The following DCC variants were observed in gnomAD, a reference collection of about 807,000 sequenced individuals.
DCC encodes the protein DCC netrin 1 receptor, also known as netrin receptor DCC.
DCC carries 58 observed loss-of-function variants against 172.5 expected under a neutral mutation model. The observed-to-expected ratio is 0.34, with a 90% CI of 0.27 to 0.42. The LOEUF is 0.42. Ranked by LOEUF, DCC falls within the 10% of genes least tolerant of loss-of-function variation. The pLI, the probability that DCC is intolerant of heterozygous loss-of-function variation, is 1.00. For synonymous variants in DCC, 709 were observed against 644.5 expected, an observed-to-expected ratio of 1.10 and a Z score of -1.52; for missense variants, 1,740 against 1,791.0, an observed-to-expected ratio of 0.97 and a Z score of 0.51.
intron 1 of DCC, among the ~76,000 whole-genome samples, chr18:52,640,887 A>G (rs973855237): frequency 6.6e-6 from 1 of 152,094 alleles, no homozygotes; most frequent in Admixed American, 6.6e-5. Flanking sequence ...TATGGAACCA[A>G]AAAAGAGCCC....
chr18:53,159,425 C>G (rs556649017), intron 8 of DCC, among the ~76,000 whole-genome samples: 38 of 152,236 alleles, frequency 2.5e-4, no homozygotes, highest in African/African-American at 8.9e-4. Flanking sequence ...AGCCATGCTT[C>G]CTTTATTCTA....
Position 53,226,934 on chromosome 18 carries a change from G to GTGTATA in DCC, c.1911+11338_1911+11339insGTATAT, listed in dbSNP as rs34949557. On this transcript the variant is annotated intron_variant, in intron 12 of 28. Transcript: ENST00000442544. ...TGTAACTGTGTGTGTGTGTGTGTGT[G>GTGTATA]TATATATATATATATTTTTTTTTTT... Among the ~76,000 whole-genome samples the GTGTATA allele has an allele frequency of 3.1e-4, 21 of 68,126 alleles. 1 individual carries two copies. The highest frequency in any genetic ancestry group is 7.1e-4 in the Admixed American group (4 of 5,650). 44.7% of individuals were successfully genotyped at this position (68,126 alleles called of 152,430 possible).
chr18:53,428,454 TTA>T lies in DCC; in HGVS notation c.3164-6682_3164-6681del, dbSNP rs1371182251. On this transcript the variant is annotated intron_variant, in intron 21 of 28. Transcript: ENST00000442544. The stretch of plus-strand genomic sequence containing the variant: ...TACATATATAATATATTATATTATT[TTA>T]TATATATTATATAATATATAATATA... Among the ~76,000 whole-genome samples the T allele has an allele frequency of 9.6e-5, 3 of 31,330 alleles. 1 individual carries two copies. Among genetic ancestry groups the T allele is most frequent in the Non-Finnish European group, 1.4e-4 (2 of 14,224 alleles). 20.6% of individuals were successfully genotyped at this position (31,330 alleles called of 152,430 possible).
chr18:52,858,123 T>C (rs2039081994), intron 2 of DCC, among the ~76,000 whole-genome samples: 2 of 152,252 alleles, frequency 1.3e-5, no homozygotes, highest in Non-Finnish European at 2.9e-5. Context: ...TGTCTGTTCA[T>C]GCAGTAGTTG....
rs949823133 is a variant in DCC at position 53,486,871 on chromosome 18, G to A, written c.3811G>A (p.Gly1271Arg). ...YPGILPSPTCGYPHPQFTLRP... is the reference protein window; with the variant it reads ...YPGILPSPTCRYPHPQFTLRP... ...AGGAATCCTCCCGTCTCCCACCTGT[G>A]GATATCCCCACCCGCAGTTCACTCT... Residue 1271 changes from glycine to arginine, a missense_variant, in exon 26 of 29, where the codon GGA (glycine) becomes AGA (arginine). Physicochemically the swap from Gly to Arg is moderately radical, Grantham distance 125 (BLOSUM62 -2). Around this residue, in one of 2 missense-constraint regions of DCC, gnomAD observed 1,732 missense variants for 1,767.4 expected, o/e 0.98. Transcript: ENST00000442544. 8.7e-6 allele frequency: 14 copies of A among 1,614,138 alleles called. No individual in the cohort carries two copies. The highest frequency in any genetic ancestry group is 1.7e-5 in the Admixed American group (1 of 60,002).
At position 52,978,037 on chromosome 18, in the gene DCC, C is replaced by T. The variant is rs907361662; in HGVS notation, c.985+52667C>T. Among the ~76,000 whole-genome samples the T allele has an allele frequency of 2.0e-5, 3 of 150,226 alleles. No individual in the cohort carries two copies. In the East Asian group the frequency reaches 5.8e-4, roughly 29 times the overall value. ...TAAAATTCAAGTAGTTTACATGTAG[C>T]ATGAAGTGAGGGGAGTGCAGAGAAG... On this transcript the variant is annotated intron_variant, in intron 5 of 28. Coordinates refer to ENST00000442544, the MANE Select transcript of DCC (RefSeq NM_005215.4).
intron 1 of DCC, among the ~76,000 whole-genome samples, chr18:52,684,050 T>C (rs2035790576): frequency 6.6e-6 from 1 of 152,160 alleles, no homozygotes. Context: ...CATCCATGTG[T>C]TTATTTCCAT....
At chr18:53,308,456 G>T (rs1176547584) in intron 13 of DCC, among the ~76,000 whole-genome samples, 1 of 116,228 alleles carries the variant, frequency 8.6e-6, no homozygotes, top group Non-Finnish European at 1.7e-5. Context: ...AAAACAATAA[G>T]TTAAAAATAT....
At chr18:52,607,511 C>G (rs938811986) in intron 1 of DCC, among the ~76,000 whole-genome samples, 7 of 152,142 alleles carry the variant, frequency 4.6e-5, no homozygotes, top group African/African-American at 1.7e-4. Flanking sequence ...ATCTATTTGA[C>G]TGTCTGCCTA....
chr18:52,427,815 TCTTCCTTCCTTCCTTCCTTTCTTC>T (rs1199561300), intron 1 of DCC, among the ~76,000 whole-genome samples: 6,416 of 113,028 alleles, frequency 0.057, 356 homozygotes, highest in Middle Eastern at 0.072. Flanking sequence ...TTTCTTCCTT[TCTTCCTTCCTTCCTTCCTTTCTTC>T]CTTCCTTCCT....
chr18:53,516,316 C>T lies in DCC; in HGVS notation c.4112-10301C>T, dbSNP rs868187637. ...AAATCAATTCAAGATGGATTAAAGA[C>T]TTAAACGTTAGACCTAAAACCATAA... is the stretch of plus-strand genomic sequence containing the variant. On this transcript the variant is annotated intron_variant, in intron 27 of 28. Coordinates refer to ENST00000442544, the MANE Select transcript of DCC (RefSeq NM_005215.4). Among the ~76,000 whole-genome samples the T allele has an allele frequency of 2.5e-3, 368 of 147,864 alleles. 3 individuals are homozygous for T. Among genetic ancestry groups the T allele is most frequent in the Middle Eastern group, 0.014 (4 of 290 alleles).
At chr18:52,903,438 C>A (rs925540998) in intron 2 of DCC, among the ~76,000 whole-genome samples, 1 of 152,142 alleles carries the variant, frequency 6.6e-6, no homozygotes, top group Non-Finnish European at 1.5e-5. Context: ...AACTCCTGTG[C>A]TCAAGTGATT....
In DCC at chr18:53,216,865, C is replaced by T. The variant is rs192349687; in HGVS notation, c.1911+1268C>T. 1.9e-3 allele frequency among the ~76,000 whole-genome samples: 294 copies of T among 152,206 alleles called. 2 individuals carry two copies. Among genetic ancestry groups the T allele is most frequent in the African/African-American group, 6.5e-3 (272 of 41,562 alleles). ...AAAATTAACATAACCCTACAAATGA[C>T]ATTTTTATCTGCAACAACACTGCTT... is the stretch of plus-strand genomic sequence containing the variant. On this transcript the variant is annotated intron_variant, in intron 12 of 28. Coordinates refer to ENST00000442544, the MANE Select transcript of DCC (RefSeq NM_005215.4).
At chr18:52,404,747 G>T (rs977399298) in intron 1 of DCC, among the ~76,000 whole-genome samples, 1 of 150,638 alleles carries the variant, frequency 6.6e-6, no homozygotes, top group Non-Finnish European at 1.5e-5. Flanking sequence ...GTGCGATGCT[G>T]GTGCGCTGCA....
At chr18:53,168,735 G>A (rs1002872243) in intron 8 of DCC, among the ~76,000 whole-genome samples, 14 of 152,012 alleles carry the variant, frequency 9.2e-5, no homozygotes, top group South Asian at 6.2e-4. Flanking sequence ...GAAATGAAAG[G>A]AAAAGGAAAA....
At chr18:52,461,430 A>G (rs993582346) in intron 1 of DCC, among the ~76,000 whole-genome samples, 6 of 152,368 alleles carry the variant, frequency 3.9e-5, no homozygotes, top group Admixed American at 6.5e-5. Flanking sequence ...GACAAAAGGT[A>G]TAATATAGTG....
chr18:52,802,465 T>A (rs1390289792), intron 2 of DCC, among the ~76,000 whole-genome samples: 4 of 111,598 alleles, frequency 3.6e-5, no homozygotes, highest in African/African-American at 6.0e-5. Flanking sequence ...CATATATAAC[T>A]TTTTACTCCC....
intron 27 of DCC, among the ~76,000 whole-genome samples, chr18:53,510,322 A>AT (rs1323321327): frequency 8.5e-5 from 13 of 152,132 alleles, no homozygotes; most frequent in Admixed American, 7.9e-4. Context: ...AAATTTTAAT[A>AT]TTTTTTCTGG....
chr18:52,904,515 AT>A (rs2039853352), intron 2 of DCC, among the ~76,000 whole-genome samples: 1 of 152,200 alleles, frequency 6.6e-6, no homozygotes, highest in Admixed American at 6.5e-5. Flanking sequence ...CCACAGCAAA[AT>A]TTGTATCAGG....
Sources: allele counts gnomAD v4.1 joint callset (sites outside exome capture counted in the v4.1 genomes callset), GRCh38; gene constraint gnomAD v4.1.1; regional missense constraint gnomAD v4.1.1; transcripts MANE v1.5; gene names NCBI Gene and HGNC (gene_info 2026-07-23, HGNC 2026-07-21).